The following CNTNAP2 variants were observed in gnomAD, a reference collection of about 807,000 sequenced individuals.
CNTNAP2 encodes contactin-associated protein-like 2.
Under a neutral mutation model 155.2 loss-of-function variants are expected in CNTNAP2, and 98 were observed. The ratio of observed to expected loss-of-function variants is 0.63; its 90% CI spans 0.54 to 0.75. The LOEUF (loss-of-function observed/expected upper bound fraction) is 0.75. Ranked by LOEUF, CNTNAP2 falls within the 30% of genes least tolerant of loss-of-function variation. The pLI is 0.00. For missense variants in CNTNAP2, 1,727 were observed against 1,688.1 expected (o/e 1.02, Z -0.40); for synonymous variants, 651 against 631.2 (o/e 1.03, Z -0.47).
rs755601249 is a variant in CNTNAP2, at chr7:147,249,604, T to TAAAAAAAAAAAA, written c.1349-50527_1349-50516dup. Among the ~76,000 whole-genome samples the TAAAAAAAAAAAA allele has an allele frequency of 3.7e-4, 26 of 70,008 alleles. 1 individual carries two copies. The highest frequency in any genetic ancestry group is 2.7e-3 in the East Asian group (3 of 1,118). The allele number at this position is 70,008 out of a possible 152,430, so 45.9% of individuals were successfully genotyped here. A position where few individuals can be genotyped will look rare whatever the true frequency, so the allele number is the denominator to read the frequency against. ...CTATAATAAAGGAAGACATTGGAGG[T>TAAAAAAAAAAAA]AAAAAAAAAAAAAAAAAAAAAGGTT... is the stretch of plus-strand genomic sequence containing the variant. On this transcript the variant is annotated intron_variant, in intron 8 of 23. Transcript: ENST00000361727.
At position 146,953,108 on chromosome 7, in the gene CNTNAP2, A is replaced by G. The variant is rs139324029; in HGVS notation, c.403-90799A>G. On this transcript the variant is annotated intron_variant, in intron 3 of 23. Coordinates refer to ENST00000361727, the MANE Select transcript of CNTNAP2 (RefSeq NM_014141.6). The stretch of plus-strand genomic sequence containing the variant: ...TCTCAAGGCTGGTCTCAGCAAGACA[A>G]TATCTGGGTAGAAAAAACTTGATGG... Among the ~76,000 whole-genome samples the G allele has an allele frequency of 7.5e-4, 114 of 152,158 alleles. 1 individual carries two copies. The highest frequency in any genetic ancestry group is 2.5e-3 in the African/African-American group (104 of 41,552).
chr7:148,087,895 T>C (rs755722268), intron 15 of CNTNAP2, among the ~76,000 whole-genome samples: 6 of 152,144 alleles, frequency 3.9e-5, no homozygotes, highest in Admixed American at 2.6e-4. Context: ...CTCACAGTAA[T>C]TTTTTCCAAA....
At chr7:147,795,512 G>C (rs780990780) in intron 13 of CNTNAP2, among the ~76,000 whole-genome samples, 1 of 138,850 alleles carries the variant, frequency 7.2e-6, no homozygotes, top group Non-Finnish European at 1.7e-5. Flanking sequence ...TTGGTTTCAG[G>C]TGTTCAGGTG....
At chr7:147,010,980 A>G (rs1187189546) in intron 3 of CNTNAP2, among the ~76,000 whole-genome samples, 4 of 152,118 alleles carry the variant, frequency 2.6e-5, no homozygotes, top group African/African-American at 9.7e-5. Flanking sequence ...CATAAATGGA[A>G]CAAATTAATA....
At chr7:146,997,087 C>T (rs1798326642) in intron 3 of CNTNAP2, among the ~76,000 whole-genome samples, 1 of 152,042 alleles carries the variant, frequency 6.6e-6, no homozygotes, top group Non-Finnish European at 1.5e-5. Context: ...ATAAATTATC[C>T]AGTCTCAGGT....
chr7:147,083,959 G>GTGTATACA (rs1272215636), intron 4 of CNTNAP2, among the ~76,000 whole-genome samples: 4 of 120,374 alleles, frequency 3.3e-5, no homozygotes, highest in East Asian at 5.6e-4. Flanking sequence ...ATTATATATA[G>GTGTATACA]CATTATATAT....
intron 13 of CNTNAP2, among the ~76,000 whole-genome samples, chr7:147,750,916 T>G (rs1797123983): frequency 6.6e-6 from 1 of 151,956 alleles, no homozygotes; most frequent in Admixed American, 6.6e-5. Context: ...GGTGGGCGCC[T>G]GAAGTCCCAG....
intron 8 of CNTNAP2, among the ~76,000 whole-genome samples, chr7:147,274,887 T>A (rs976335712): frequency 6.6e-6 from 1 of 152,084 alleles, no homozygotes; most frequent in Non-Finnish European, 1.5e-5. Flanking sequence ...TTTAGGCATA[T>A]GGCTCTCCAA....
chr7:146,834,493 G>C (rs1257080430), intron 2 of CNTNAP2, among the ~76,000 whole-genome samples: 1 of 151,956 alleles, frequency 6.6e-6, no homozygotes, highest in East Asian at 1.9e-4. Context: ...AGTGAGGAAG[G>C]AAAGACAGAT....
intron 1 of CNTNAP2, among the ~76,000 whole-genome samples, chr7:146,197,441 A>T (rs1274584724): frequency 6.6e-6 from 1 of 152,164 alleles, no homozygotes. Context: ...TGTAATTAAG[A>T]CGTGACAGTG....
intron 1 of CNTNAP2, among the ~76,000 whole-genome samples, chr7:146,641,059 G>A (rs566697549): frequency 7.2e-5 from 11 of 152,332 alleles, no homozygotes; most frequent in African/African-American, 2.6e-4. Context: ...AGGCACGGTG[G>A]CTCGTGCCTA....
At chr7:146,725,250 T>A (rs10256026) in intron 1 of CNTNAP2, among the ~76,000 whole-genome samples, 4,075 of 152,256 alleles carry the variant, frequency 0.027, 199 homozygotes, top group African/African-American at 0.093. Flanking sequence ...TCATTTCATC[T>A]ACAAAGACCC....
chr7:147,291,648 T>C (rs1414351735), intron 8 of CNTNAP2, among the ~76,000 whole-genome samples: 5 of 152,180 alleles, frequency 3.3e-5, no homozygotes, highest in Non-Finnish European at 7.3e-5. Context: ...TTGGTAGATA[T>C]ATACTTAGGA....
intron 21 of CNTNAP2, among the ~76,000 whole-genome samples, chr7:148,380,634 C>T (rs1585322012): frequency 6.7e-6 from 1 of 149,328 alleles, no homozygotes; most frequent in Non-Finnish European, 1.5e-5. Context: ...TATTTGACTT[C>T]TTTTTTTTTT....
At chr7:146,618,851 C>G (rs1799270374) in intron 1 of CNTNAP2, among the ~76,000 whole-genome samples, 1 of 151,962 alleles carries the variant, frequency 6.6e-6, no homozygotes, top group East Asian at 1.9e-4. Context: ...AGGCGGATAA[C>G]CTGAGGTCAG....
At chr7:146,358,256 G>A (rs1584887464) in intron 1 of CNTNAP2, among the ~76,000 whole-genome samples, 1 of 152,000 alleles carries the variant, frequency 6.6e-6, no homozygotes. Flanking sequence ...GGATGGTCTC[G>A]ATCTCCTGAC....
chr7:146,652,952 G>A (rs1799941591), intron 1 of CNTNAP2, among the ~76,000 whole-genome samples: 1 of 152,076 alleles, frequency 6.6e-6, no homozygotes, highest in Non-Finnish European at 1.5e-5. Context: ...GAACCAATAT[G>A]GTTGAAAAAG....
intron 21 of CNTNAP2, among the ~76,000 whole-genome samples, chr7:148,367,313 A>G (rs1798802778): frequency 1.3e-5 from 2 of 152,168 alleles, no homozygotes; most frequent in Admixed American, 1.3e-4. Flanking sequence ...GGCCCACAGT[A>G]CTTCCAGGGA....
In CNTNAP2 at chr7:147,666,676, AATTT is replaced by A. The variant is rs1184852960; in HGVS notation, c.2098+27372_2098+27375del. The stretch of plus-strand genomic sequence containing the variant: ...GACTGTATCATGTTCTTTTGTGCTT[AATTT>A]AATTACACATTATTTTATTCATCAC... On this transcript the variant is annotated intron_variant, in intron 13 of 23. Coordinates refer to ENST00000361727, the MANE Select transcript of CNTNAP2 (RefSeq NM_014141.6). Among the ~76,000 whole-genome samples, 5 of 152,266 alleles carry A rather than the reference AATTT, an allele frequency of 3.3e-5. No homozygotes were observed. The East Asian group carries it at 9.6e-4, about 29-fold the overall frequency.
Sources: allele counts gnomAD v4.1 joint callset (sites outside exome capture counted in the v4.1 genomes callset), GRCh38; gene constraint gnomAD v4.1.1; transcripts MANE v1.5; gene names NCBI Gene and HGNC (gene_info 2026-07-23, HGNC 2026-07-21).